INSL6: variants seen among roughly 807,000 people sequenced by gnomAD.
The protein encoded by INSL6 is insulin like 6.
A neutral mutation model predicts 9.4 loss-of-function variants in INSL6; 16 were observed. The observed-to-expected ratio is 1.70, with a 90% confidence interval of 1.15 to 2.59. INSL6 has a LOEUF of 2.59. INSL6 is among the 30% of genes most tolerant of loss of function. The probability of loss-of-function intolerance (pLI) is 0.00; values close to 1 mark genes in which losing one functional copy is unlikely to be tolerated. For synonymous variants in INSL6, 154 were observed against 96.9 expected, an observed-to-expected ratio of 1.59 and a Z score of -3.46; for missense variants, 391 against 257.3, an observed-to-expected ratio of 1.52 and a Z score of -3.56.
At chr9:5,033,897 C>A in the INSL6 span, among the ~76,000 whole-genome samples, 1 of 152,120 alleles carries the variant, frequency 6.6e-6, no homozygotes, top group East Asian at 1.9e-4. Flanking sequence ...ACAATATTAA[C>A]CTTAAACGTA....
chr9:5,171,460 T>C (rs995835019), intron 1 of INSL6, among the ~76,000 whole-genome samples: 41 of 152,256 alleles, frequency 2.7e-4, no homozygotes, highest in African/African-American at 9.9e-4. Flanking sequence ...CTATTCAACA[T>C]AGTATCTGAA....
At chr9:5,175,321 A>G (rs554045900) in intron 1 of INSL6, among the ~76,000 whole-genome samples, 1 of 152,248 alleles carries the variant, frequency 6.6e-6, no homozygotes, top group Non-Finnish European at 1.5e-5. Context: ...AGTTTTCACT[A>G]TCTTCACTTC....
chr9:5,085,139 A>G, the INSL6 span: 1 of 647,868 alleles, frequency 1.5e-6, no homozygotes, highest in Admixed American at 1.8e-5. Context: ...TCACTCTGTA[A>G]TACATACTGT....
At chr9:5,125,721 C>T (rs866243088) in intron 3 of INSL6, among the ~76,000 whole-genome samples, 2 of 150,058 alleles carry the variant, frequency 1.3e-5, no homozygotes, top group Non-Finnish European at 3.0e-5. Context: ...ATTTTAATTT[C>T]CATTTCTTTT....
chr9:5,060,525 C>T, the INSL6 span, among the ~76,000 whole-genome samples: 1 of 152,192 alleles, frequency 6.6e-6, no homozygotes, highest in South Asian at 2.1e-4. Flanking sequence ...TCTCAAGAAA[C>T]CATTTTTTTA....
the INSL6 span, among the ~76,000 whole-genome samples, chr9:5,011,341 A>G: frequency 2.6e-5 from 4 of 152,154 alleles, no homozygotes; most frequent in Admixed American, 1.3e-4. Context: ...ACAGAGCACC[A>G]TGCCCAGCAA....
the INSL6 span, among the ~76,000 whole-genome samples, chr9:5,093,979 C>G: frequency 6.6e-6 from 1 of 152,100 alleles, no homozygotes; most frequent in Admixed American, 6.5e-5. Context: ...ATAAATGATG[C>G]TATCTCAATC....
the INSL6 span, among the ~76,000 whole-genome samples, chr9:5,062,192 T>A: frequency 6.6e-6 from 1 of 152,048 alleles, no homozygotes; most frequent in Non-Finnish European, 1.5e-5. Context: ...AACCTGCATA[T>A]GTGTAGGGCT....
At chr9:5,092,358 G>A in the INSL6 span, among the ~76,000 whole-genome samples, 1 of 152,102 alleles carries the variant, frequency 6.6e-6, no homozygotes, top group Non-Finnish European at 1.5e-5. Context: ...ATGAATAGAG[G>A]AGATAAGTCG....
chr9:5,185,214 C>A, intron 1 of INSL6, 100 bp downstream of exon 1: 1 of 1,492,214 alleles, frequency 6.7e-7, no homozygotes, highest in Non-Finnish European at 9.3e-7. Context: ...GTACTAGGCA[C>A]AAATTCCACT....
chr9:5,180,493 T>C (rs930589024), intron 1 of INSL6, among the ~76,000 whole-genome samples: 2 of 152,152 alleles, frequency 1.3e-5, no homozygotes, highest in Non-Finnish European at 2.9e-5. Flanking sequence ...CAAGGAATAT[T>C]AGTATTAATA....
chr9:5,095,983 T>G, the INSL6 span, among the ~76,000 whole-genome samples: 4 of 152,196 alleles, frequency 2.6e-5, no homozygotes, highest in African/African-American at 9.7e-5. Flanking sequence ...CCTAGGAGCT[T>G]TACCTCCATT....
intron 2 of INSL6, among the ~76,000 whole-genome samples, chr9:5,156,234 A>T (rs535084239): frequency 6.6e-6 from 1 of 152,358 alleles, no homozygotes; most frequent in Non-Finnish European, 1.5e-5. Flanking sequence ...TGCAAGCCAA[A>T]ATAACTTTAT....
the INSL6 span, among the ~76,000 whole-genome samples, chr9:5,047,469 A>C: frequency 3.0e-3 from 457 of 152,334 alleles, 1 homozygote; most frequent in African/African-American, 0.011. Flanking sequence ...TAAACTGCTG[A>C]CATGTGAACA....
Position 5,163,980 on chromosome 9 carries a change from C to A in INSL6, c.575G>T (p.Cys192Phe), listed in dbSNP as rs1311140046. Residue 192 changes from cysteine (C) to phenylalanine (F), a missense_variant, in exon 2 of 2, where the codon TGT becomes TTT. Physicochemically the swap from Cys to Phe is radical, Grantham distance 205 (BLOSUM62 -2). Coordinates refer to ENST00000381641, the MANE Select transcript of INSL6 (RefSeq NM_007179.3). ...CCTTTTAAAATCAATATATGGAAGA[C>A]ATGCAATGCTAAGTTCTTCTTTTGT... ...GCTKEELSIA[C>F]LPYIDFKRLK... 1 of 1,612,208 alleles carries A rather than the reference C, an allele frequency of 6.2e-7. No homozygotes were observed. The highest frequency in any genetic ancestry group is 8.5e-7 in the Non-Finnish European group (1 of 1,179,628).
At chr9:5,082,525 G>T in the INSL6 span, among the ~76,000 whole-genome samples, 1 of 152,232 alleles carries the variant, frequency 6.6e-6, no homozygotes, top group African/African-American at 2.4e-5. Flanking sequence ...TCAGTTCCCA[G>T]GGGCAGGCAG....
rs949882923 is a variant in INSL6, at chr9:5,164,134, T to A, written c.421A>T (p.Ile141Phe). ...FSSSHNINVY[I>F]HENAKFQKKR... ...TTCTGAAATTTTGCATTCTCATGAATATATACATTGATATTATGTGATGAA... is the reference window on the plus strand; with the variant it reads ...TTCTGAAATTTTGCATTCTCATGAAAATATACATTGATATTATGTGATGAA... Residue 141 changes from isoleucine to phenylalanine, a missense_variant, in exon 2 of 2, where the codon ATT (isoleucine) becomes TTT (phenylalanine). Coordinates refer to ENST00000381641, the MANE Select transcript of INSL6 (RefSeq NM_007179.3). 15 of 1,611,562 alleles carry A rather than the reference T, an allele frequency of 9.3e-6. No homozygotes were observed. The Middle Eastern group carries it at 6.6e-4, about 71-fold the overall frequency.
chr9:5,083,644 A>G, the INSL6 span, among the ~76,000 whole-genome samples: 1 of 152,150 alleles, frequency 6.6e-6, no homozygotes, highest in African/African-American at 2.4e-5. Flanking sequence ...TAGGCACACA[A>G]TTTTGTCATA....
rs141546837 is a variant in INSL6, at chr9:5,174,800, C to G, written c.289+10514G>C. Reference sequence around the variant, plus strand: ...ACATTGTCTAAAACTCCACAAAATTCAACATGTCCAAAACTGAACTACTGA... The same window carrying G: ...ACATTGTCTAAAACTCCACAAAATTGAACATGTCCAAAACTGAACTACTGA... On this transcript the variant is annotated intron_variant, in intron 1 of 1. Transcript: ENST00000381641. 6.6e-5 allele frequency among the ~76,000 whole-genome samples: 10 copies of G among 152,284 alleles called. No individual in the cohort carries two copies. The East Asian group carries it at 1.7e-3, about 26-fold the overall frequency.
Sources: gnomAD v4.1 joint callset for allele counts (sites outside exome capture counted in the v4.1 genomes callset) on GRCh38, gnomAD v4.1.1 for gene constraint, MANE v1.5 for transcripts, NCBI Gene and HGNC (gene_info 2026-07-23, HGNC 2026-07-21) for gene names.